Variants in RFX3 observed in about 807,000 individuals in gnomAD.
The protein encoded by RFX3 is regulatory factor X3.
Under a neutral mutation model 98.6 loss-of-function variants are expected in RFX3, and 14 were observed. The observed-to-expected ratio is 0.14, with a 90% CI of 0.09 to 0.22. The LOEUF (loss-of-function observed/expected upper bound fraction) is 0.22, where lower values mean the gene tolerates loss of function less well. Ranked by LOEUF, RFX3 falls within the 10% of genes least tolerant of loss-of-function variation. The probability of loss-of-function intolerance (pLI) is 1.00; values close to 1 mark genes in which losing one functional copy is unlikely to be tolerated. For missense variants in RFX3, 639 were observed against 926.9 expected (o/e 0.69, Z 4.03); for synonymous variants, 383 against 328.4 (o/e 1.17, Z -1.80).
At chr9:3,485,590 T>C (rs1461050932) in intron 1 of RFX3, among the ~76,000 whole-genome samples, 7 of 152,236 alleles carry the variant, frequency 4.6e-5, no homozygotes, top group Admixed American at 1.3e-4. Context: ...GTGTACATAA[T>C]ACGGAATTTG....
intron 14 of RFX3, among the ~76,000 whole-genome samples, chr9:3,251,132 T>C (rs959937973): frequency 2.6e-5 from 4 of 152,108 alleles, no homozygotes; most frequent in African/African-American, 9.7e-5. Flanking sequence ...TGAAATAGTA[T>C]GAGGACGTTA....
intron 1 of RFX3, among the ~76,000 whole-genome samples, chr9:3,522,978 G>A (rs1818867987): frequency 6.6e-6 from 1 of 151,918 alleles, no homozygotes; most frequent in African/African-American, 2.4e-5. Context: ...AGTACTGGAG[G>A]AATAATACAA....
chr9:3,314,041 G>A (rs1349531775), intron 4 of RFX3, among the ~76,000 whole-genome samples: 21 of 152,092 alleles, frequency 1.4e-4, no homozygotes, highest in African/African-American at 2.9e-4. Context: ...GATACTCCTC[G>A]AGAAGAACAA....
chr9:3,510,058 G>A (rs1817517649), intron 1 of RFX3, among the ~76,000 whole-genome samples: 1 of 151,894 alleles, frequency 6.6e-6, no homozygotes, highest in South Asian at 2.1e-4. Flanking sequence ...GGGCCATTTG[G>A]AAACATGTGT....
intron 4 of RFX3, among the ~76,000 whole-genome samples, chr9:3,311,598 A>G (rs1285915334): frequency 6.6e-6 from 1 of 152,204 alleles, no homozygotes; most frequent in African/African-American, 2.4e-5. Flanking sequence ...AGAAATGCTA[A>G]ACAAGACCGG....
chr9:3,515,337 G>A (rs974437308), intron 1 of RFX3, among the ~76,000 whole-genome samples: 1 of 152,068 alleles, frequency 6.6e-6, no homozygotes, highest in East Asian at 1.9e-4. Flanking sequence ...TTGGAAAAAA[G>A]GAATCACTAA....
At chr9:3,415,131 C>G (rs186745827) in intron 1 of RFX3, among the ~76,000 whole-genome samples, 1 of 118,614 alleles carries the variant, frequency 8.4e-6, no homozygotes, top group Non-Finnish European at 1.6e-5. Context: ...TATATATATA[C>G]TCTTATCTAT....
At chr9:3,459,634 T>C (rs898947752) in intron 1 of RFX3, among the ~76,000 whole-genome samples, 1 of 152,152 alleles carries the variant, frequency 6.6e-6, no homozygotes, top group Non-Finnish European at 1.5e-5. Context: ...TACATTTCCA[T>C]AGACATACTC....
At chr9:3,515,790 G>C (rs181005028) in intron 1 of RFX3, among the ~76,000 whole-genome samples, 1 of 152,200 alleles carries the variant, frequency 6.6e-6, no homozygotes, top group Non-Finnish European at 1.5e-5. Flanking sequence ...ATGCTATTAG[G>C]CATGCAAATC....
chr9:3,498,290 C>T (rs1169179062), intron 1 of RFX3, among the ~76,000 whole-genome samples: 3 of 152,014 alleles, frequency 2.0e-5, no homozygotes, highest in Non-Finnish European at 4.4e-5. Flanking sequence ...AAATTCTGTG[C>T]TCCACTACTT....
chr9:3,306,640 A>G lies in RFX3; in HGVS notation c.475-5020T>C, dbSNP rs900324068. Reference sequence around the variant, plus strand: ...GGGGAGGGATACCATTAGGAGACATACCTAATGCTAAATGACGAATTAATG... The same window carrying G: ...GGGGAGGGATACCATTAGGAGACATGCCTAATGCTAAATGACGAATTAATG... On this transcript the variant is annotated intron_variant, in intron 4 of 16. Coordinates refer to ENST00000617270, the MANE Select transcript of RFX3 (RefSeq NM_001282116.2). Among the ~76,000 whole-genome samples the G allele has an allele frequency of 9.3e-5, 14 of 151,344 alleles. No individual in the cohort carries two copies. In the South Asian group the frequency reaches 2.5e-3, roughly 27 times the overall value.
intron 4 of RFX3, among the ~76,000 whole-genome samples, chr9:3,314,650 T>C (rs557877863): frequency 5.3e-4 from 80 of 151,650 alleles, no homozygotes; most frequent in African/African-American, 1.5e-3. Flanking sequence ...GAGACACACA[T>C]AGGCTCAAAA....
intron 1 of RFX3, among the ~76,000 whole-genome samples, chr9:3,475,098 T>C (rs10972184): frequency 7.8e-6 from 1 of 127,780 alleles, no homozygotes; most frequent in Middle Eastern, 4.1e-3. Flanking sequence ...AGACCCTGTC[T>C]CCAAAAAAAA....
chr9:3,377,246 A>C (rs1838644969), intron 2 of RFX3, among the ~76,000 whole-genome samples: 1 of 152,224 alleles, frequency 6.6e-6, no homozygotes, highest in Admixed American at 6.5e-5. Flanking sequence ...CATATACACC[A>C]TGGAATACCA....
chr9:3,303,451 G>C (rs559903330), intron 4 of RFX3, among the ~76,000 whole-genome samples: 1 of 151,908 alleles, frequency 6.6e-6, no homozygotes, highest in South Asian at 2.1e-4. Context: ...TTTAAAGTTT[G>C]AGTGCAGAGA....
At chr9:3,435,014 A>C (rs1180589545) in intron 1 of RFX3, among the ~76,000 whole-genome samples, 1 of 151,904 alleles carries the variant, frequency 6.6e-6, no homozygotes, top group Non-Finnish European at 1.5e-5. Flanking sequence ...AACATAGAAA[A>C]GGTACAGTAA....
intron 1 of RFX3, among the ~76,000 whole-genome samples, chr9:3,510,207 C>G (rs1487639463): frequency 6.6e-6 from 1 of 151,784 alleles, no homozygotes; most frequent in African/African-American, 2.4e-5. Flanking sequence ...GGAAGAAAGG[C>G]TGAAGTTGGC....
intron 5 of RFX3, 45 bp downstream of exon 5, chr9:3,301,501 C>A (rs1828655713): frequency 1.5e-6 from 2 of 1,329,832 alleles, no homozygotes; most frequent in Non-Finnish European, 2.1e-6. Context: ...GCAACACATG[C>A]AGAACAAGCA....
At chr9:3,245,073 A>T (rs1377368082) in intron 15 of RFX3, among the ~76,000 whole-genome samples, 1 of 152,216 alleles carries the variant, frequency 6.6e-6, no homozygotes, top group African/African-American at 2.4e-5. Context: ...AAAGTCCTTT[A>T]TTGTTTCCAG....
Sources: allele counts gnomAD v4.1 joint callset (sites outside exome capture counted in the v4.1 genomes callset), GRCh38; gene constraint gnomAD v4.1.1; transcripts MANE v1.5; gene names NCBI Gene and HGNC (gene_info 2026-07-23, HGNC 2026-07-21).